Variants in LITAF observed in about 807,000 individuals in gnomAD.
LITAF encodes the protein lipopolysaccharide-induced tumor necrosis factor-alpha factor.
LITAF carries 9 observed loss-of-function variants against 14.5 expected under a neutral mutation model. The observed-to-expected ratio is 0.62, with a 90% CI of 0.37 to 1.08. The LOEUF (loss-of-function observed/expected upper bound fraction) is 1.08, where lower values mean the gene tolerates loss of function less well. Among genes scored for constraint, LITAF ranks in the 50% least tolerant of loss-of-function variants. The probability of loss-of-function intolerance (pLI) is 0.01; values close to 1 mark genes in which losing one functional copy is unlikely to be tolerated. For synonymous variants in LITAF, 98 were observed against 88.2 expected, an observed-to-expected ratio of 1.11 and a Z score of -0.62; for missense variants, 206 against 213.4, an observed-to-expected ratio of 0.97 and a Z score of 0.22.
chr16:11,617,235 T>A (rs1042110433), intron 3 of LITAF, among the ~76,000 whole-genome samples: 2 of 151,110 alleles, frequency 1.3e-5, no homozygotes, highest in African/African-American at 4.9e-5. Context: ...AATAAATAAA[T>A]AGAAATAAAA....
At chr16:11,638,478 G>A (rs541306304), upstream of LITAF, among the ~76,000 whole-genome samples, 31 of 151,968 alleles carry the variant, frequency 2.0e-4, no homozygotes, top group Admixed American at 7.9e-4. Flanking sequence ...CGAGGCAGGC[G>A]CATCACGAGA....
intron 2 of LITAF, among the ~76,000 whole-genome samples, chr16:11,555,329 C>T (rs1446204670): frequency 1.3e-5 from 2 of 152,164 alleles, no homozygotes; most frequent in Non-Finnish European, 2.9e-5. Flanking sequence ...ACACCCTGTT[C>T]ATACATTTTA....
rs1179051499 is a variant in LITAF at position 11,558,331 on chromosome 16, G to A, written c.-5-1596C>T. ...TCACCTGTAATCCCAGCACTCTGTG[G>A]AGCCGAGGTGGCAGGATAGCCTGAG... On this transcript the variant is annotated intron_variant, in intron 1 of 3. Transcript: ENST00000622633. This position sits in a 1 kb window ranked among gnomAD's most constrained non-coding sequence, Gnocchi z 4.1. Among the ~76,000 whole-genome samples the A allele has an allele frequency of 6.6e-6, 1 of 152,054 alleles. No homozygotes were observed. The highest frequency in any genetic ancestry group is 1.5e-5 in the Non-Finnish European group (1 of 67,998).
intron 3 of LITAF, among the ~76,000 whole-genome samples, chr16:11,631,701 G>A (rs980938042): frequency 3.3e-5 from 5 of 151,150 alleles, no homozygotes; most frequent in African/African-American, 4.9e-5. Flanking sequence ...CCACACGGAC[G>A]CCTTCTCTCC....
chr16:11,636,960 C>G (rs1380264384), upstream of LITAF, among the ~76,000 whole-genome samples: 1 of 151,912 alleles, frequency 6.6e-6, no homozygotes, highest in African/African-American at 2.4e-5. Context: ...GCCTCCGCCT[C>G]CCAGGTTCCA....
chr16:11,549,752 GGA>G lies in LITAF; in HGVS notation c.378-9_378-8del, dbSNP rs769574395. On this transcript the variant is annotated splice_polypyrimidine_tract_variant and splice_region_variant and intron_variant, in intron 3 of 3. Coordinates refer to ENST00000622633, the MANE Select transcript of LITAF (RefSeq NM_001136472.2). This position sits in a 1 kb window ranked among gnomAD's most constrained non-coding sequence, Gnocchi z 4.6. ...GCAGCAGCCCGCTATGCACCTGGGA[GGA>G]GAGAGAGACACACGGAGCGCGTTAC... 1.2e-6 allele frequency: 2 copies of G among 1,609,218 alleles called. No individual in the cohort carries two copies. Among genetic ancestry groups the G allele is most frequent in the South Asian group, 1.1e-5 (1 of 90,474 alleles).
intron 3 of LITAF, among the ~76,000 whole-genome samples, chr16:11,607,870 C>G (rs994501724): frequency 6.6e-6 from 1 of 152,124 alleles, no homozygotes; most frequent in Non-Finnish European, 1.5e-5. Context: ...AGTAGCACTC[C>G]TCCCCACATC....
At chr16:11,550,635 T>A (rs373297725) in intron 3 of LITAF, among the ~76,000 whole-genome samples, 2 of 152,208 alleles carry the variant, frequency 1.3e-5, no homozygotes, top group East Asian at 3.9e-4. Context: ...GGACAGATAG[T>A]AGATCTTTTA....
chr16:11,601,077 G>A (rs1156849453), upstream of LITAF, among the ~76,000 whole-genome samples: 1 of 151,954 alleles, frequency 6.6e-6, no homozygotes, highest in Non-Finnish European at 1.5e-5. Context: ...AGGGTAGTAT[G>A]GACAGGAATG....
upstream of LITAF, among the ~76,000 whole-genome samples, chr16:11,638,177 G>A (rs1421605588): frequency 7.4e-6 from 1 of 135,660 alleles, no homozygotes; most frequent in East Asian, 2.0e-4. Context: ...TGCCAGCCAG[G>A]AACCTGAGTA....
chr16:11,595,701 C>T (rs1861665), intron 1 of LITAF, among the ~76,000 whole-genome samples: 58,274 of 151,982 alleles, frequency 0.38, 11,581 homozygotes, highest in East Asian at 0.53. Flanking sequence ...TGCACTCCAG[C>T]CTGGGCGACA....
intron 3 of LITAF, among the ~76,000 whole-genome samples, chr16:11,614,810 A>G (rs758726373): frequency 2.4e-4 from 37 of 152,196 alleles, no homozygotes; most frequent in Non-Finnish European, 5.1e-4. Flanking sequence ...TTCCTCTGAT[A>G]TGCCTACTAG....
At chr16:11,550,658 C>G (rs1037099903) in intron 3 of LITAF, among the ~76,000 whole-genome samples, 1 of 151,970 alleles carries the variant, frequency 6.6e-6, no homozygotes, top group Non-Finnish European at 1.5e-5. Context: ...CTTTTTGTTG[C>G]TGTGTTTTGT....
chr16:11,594,333 C>A (rs1469080998), intron 1 of LITAF, among the ~76,000 whole-genome samples: 1 of 151,878 alleles, frequency 6.6e-6, no homozygotes, highest in Non-Finnish European at 1.5e-5. Context: ...AACCAGGCAT[C>A]TATGTGGGCA....
At chr16:11,568,491 AT>A (rs1055025652) in intron 1 of LITAF, among the ~76,000 whole-genome samples, 20 of 151,994 alleles carry the variant, frequency 1.3e-4, no homozygotes, top group African/African-American at 4.3e-4. Flanking sequence ...TTCCCCAGAA[AT>A]GACACTGGCT....
intron 3 of LITAF, among the ~76,000 whole-genome samples, chr16:11,622,168 G>T (rs1051172314): frequency 6.6e-6 from 1 of 152,226 alleles, no homozygotes; most frequent in African/African-American, 2.4e-5. Context: ...GGTGGGGACA[G>T]CTCAGAGGAG....
At chr16:11,552,371 A>G (rs893577246) in intron 3 of LITAF, among the ~76,000 whole-genome samples, 2 of 147,872 alleles carry the variant, frequency 1.4e-5, no homozygotes. Context: ...TTTGGTGCAG[A>G]CATAAAATTT....
At chr16:11,596,143 C>A (rs1011575384) in intron 1 of LITAF, among the ~76,000 whole-genome samples, 1 of 152,096 alleles carries the variant, frequency 6.6e-6, no homozygotes, top group Non-Finnish European at 1.5e-5. Context: ...CCCTTCCCCT[C>A]GGGGTGTGGG....
intron 1 of LITAF, among the ~76,000 whole-genome samples, chr16:11,574,915 G>T (rs576840304): frequency 6.6e-6 from 1 of 151,846 alleles, no homozygotes; most frequent in South Asian, 2.1e-4. Context: ...CGATTCTCCT[G>T]CCTCAGCCTC....
Sources: gnomAD v4.1 joint callset for allele counts (sites outside exome capture counted in the v4.1 genomes callset) on GRCh38, gnomAD v4.1.1 for gene constraint, Gnocchi (gnomAD v3.1) non-coding constraint, MANE v1.5 for transcripts, NCBI Gene and HGNC (gene_info 2026-07-23, HGNC 2026-07-21) for gene names.